The following MTUS2 variants were observed in gnomAD, a reference collection of about 807,000 sequenced individuals.
MTUS2 encodes the protein microtubule associated scaffold protein 2, also known as microtubule-associated tumor suppressor candidate 2.
A neutral mutation model predicts 114.1 loss-of-function variants in MTUS2; 40 were observed. That is an observed-to-expected ratio of 0.35 (90% CI 0.27 to 0.46). MTUS2 has a LOEUF of 0.46. Among genes scored for constraint, MTUS2 ranks in the 20% least tolerant of loss-of-function variants. The pLI, the probability that MTUS2 is intolerant of heterozygous loss-of-function variation, is 1.00. For missense variants in MTUS2, 1,679 were observed against 1,705.4 expected, an observed-to-expected ratio of 0.98 and a Z score of 0.27; for synonymous variants, 688 against 672.0, an observed-to-expected ratio of 1.02 and a Z score of -0.37.
chr13:29,220,960 C>T (rs769594474), intron 5 of MTUS2, among the ~76,000 whole-genome samples: 5 of 152,190 alleles, frequency 3.3e-5, no homozygotes, highest in African/African-American at 4.8e-5. Context: ...AACTATATAT[C>T]AATTATCCTA....
At chr13:29,145,484 C>T (rs745486950) in intron 5 of MTUS2, among the ~76,000 whole-genome samples, 1 of 152,096 alleles carries the variant, frequency 6.6e-6, no homozygotes, top group Non-Finnish European at 1.5e-5. Flanking sequence ...TGTGCCACTG[C>T]ACTCCAGCCT....
chr13:29,027,646 G>T lies in MTUS2; in HGVS notation c.2205+743G>T, dbSNP rs549827650. Among the ~76,000 whole-genome samples the T allele has an allele frequency of 8.5e-5, 13 of 152,234 alleles. No homozygotes were observed. In the East Asian group the frequency reaches 2.3e-3, roughly 27 times the overall value. The stretch of plus-strand genomic sequence containing the variant: ...GGCTCACTGGAAACTCCACTTTCTG[G>T]GTTCACGCCATCCTCCTGCCTCAGC... On this transcript the variant is annotated intron_variant, in intron 3 of 15. Transcript: ENST00000612955.
At chr13:29,184,702 A>G (rs1894149382) in intron 5 of MTUS2, among the ~76,000 whole-genome samples, 1 of 152,190 alleles carries the variant, frequency 6.6e-6, no homozygotes. Flanking sequence ...ACACGTGACA[A>G]AAAATATAGA....
chr13:28,986,389 G>T (rs1029241641), intron 2 of MTUS2, among the ~76,000 whole-genome samples: 1 of 152,100 alleles, frequency 6.6e-6, no homozygotes, highest in Admixed American at 6.5e-5. Context: ...ACACTAGGTG[G>T]GCACTGGCTT....
intron 8 of MTUS2, among the ~76,000 whole-genome samples, chr13:29,409,561 C>G (rs1875058483): frequency 6.6e-6 from 1 of 152,108 alleles, no homozygotes; most frequent in African/African-American, 2.4e-5. Flanking sequence ...GAGTATGTGA[C>G]ACATTGGTTC....
At chr13:29,210,646 C>T (rs1304433519) in intron 5 of MTUS2, among the ~76,000 whole-genome samples, 1 of 152,162 alleles carries the variant, frequency 6.6e-6, no homozygotes. Flanking sequence ...TCTCCCTTCC[C>T]CTAGGGATGG....
At chr13:28,932,612 G>C (rs533255465) in intron 2 of MTUS2, among the ~76,000 whole-genome samples, 1 of 152,156 alleles carries the variant, frequency 6.6e-6, no homozygotes, top group Non-Finnish European at 1.5e-5. Flanking sequence ...GGTGAGAAAC[G>C]GGACAGACCT....
chr13:28,853,431 AG>A (rs58346031), intron 2 of MTUS2, among the ~76,000 whole-genome samples: 97,984 of 151,970 alleles, frequency 0.64, 34,788 homozygotes, highest in Non-Finnish European at 0.78. Context: ...GTGGCTGATG[AG>A]ACAGAAACTA....
intron 8 of MTUS2, among the ~76,000 whole-genome samples, chr13:29,375,563 A>AT (rs1871584578): frequency 2.2e-4 from 1 of 4,538 alleles, no homozygotes; most frequent in African/African-American, 4.6e-4. Context: ...ATATACGTAT[A>AT]TATATATATA....
intron 9 of MTUS2, among the ~76,000 whole-genome samples, chr13:29,468,507 C>T (rs868761908): frequency 2.6e-5 from 4 of 151,994 alleles, no homozygotes; most frequent in African/African-American, 9.7e-5. Context: ...TGAACCTGGG[C>T]TGCACAGAGG....
At chr13:28,846,313 G>A (rs2138009762) in intron 2 of MTUS2, among the ~76,000 whole-genome samples, 1 of 152,172 alleles carries the variant, frequency 6.6e-6, no homozygotes, top group South Asian at 2.1e-4. Context: ...GGAGTTTAAA[G>A]GAATCGTCAG....
chr13:29,060,186 G>A (rs1351012727), intron 4 of MTUS2, among the ~76,000 whole-genome samples: 4 of 152,232 alleles, frequency 2.6e-5, no homozygotes, highest in Non-Finnish European at 5.9e-5. Flanking sequence ...TTGGGGCTAC[G>A]GTGCTGGTGC....
At chr13:29,481,463 T>C (rs1881168094) in intron 10 of MTUS2, among the ~76,000 whole-genome samples, 1 of 152,150 alleles carries the variant, frequency 6.6e-6, no homozygotes. Context: ...CTAATTGGTG[T>C]GTTGCTTTAT....
intron 5 of MTUS2, among the ~76,000 whole-genome samples, chr13:29,246,036 C>G (rs1049639206): frequency 6.6e-6 from 1 of 152,100 alleles, no homozygotes; most frequent in Non-Finnish European, 1.5e-5. Flanking sequence ...GAAAATGATC[C>G]CGGTCATAGA....
intron 5 of MTUS2, among the ~76,000 whole-genome samples, chr13:29,272,435 C>G (rs534374893): frequency 1.8e-4 from 28 of 152,294 alleles, no homozygotes; most frequent in Admixed American, 9.8e-4. Flanking sequence ...TCTTCTGCAG[C>G]CTTCCTCTTC....
chr13:29,371,589 A>G (rs1374022978), intron 8 of MTUS2, among the ~76,000 whole-genome samples: 1 of 152,222 alleles, frequency 6.6e-6, no homozygotes, highest in Non-Finnish European at 1.5e-5. Context: ...CCTTGATCAA[A>G]TAATATTTTA....
At chr13:29,171,450 A>G (rs1433364704) in intron 5 of MTUS2, among the ~76,000 whole-genome samples, 3 of 152,286 alleles carry the variant, frequency 2.0e-5, no homozygotes, top group Admixed American at 1.3e-4. Context: ...GTCAGCAGTA[A>G]TGAGACCTCA....
At chr13:29,245,511 T>C (rs1186106371) in intron 5 of MTUS2, among the ~76,000 whole-genome samples, 3 of 152,196 alleles carry the variant, frequency 2.0e-5, no homozygotes, top group Non-Finnish European at 4.4e-5. Flanking sequence ...GCCTGAGAGC[T>C]GGATTCCTGC....
chr13:29,034,788 T>A (rs1886989152), intron 4 of MTUS2, among the ~76,000 whole-genome samples: 2 of 152,180 alleles, frequency 1.3e-5, no homozygotes, highest in Admixed American at 1.3e-4. Context: ...GGCAGAGAGA[T>A]GATATTCAAA....
Sources: gnomAD v4.1 joint callset for allele counts (sites outside exome capture counted in the v4.1 genomes callset) on GRCh38, gnomAD v4.1.1 for gene constraint, MANE v1.5 for transcripts, NCBI Gene and HGNC (gene_info 2026-07-23, HGNC 2026-07-21) for gene names.